The following AFG2A variants were observed in gnomAD, a reference collection of about 807,000 sequenced individuals.
AFG2A encodes AAA ATPase AFG2A.
chr4:123,137,633 T>C, the AFG2A span, among the ~76,000 whole-genome samples: 1 of 152,196 alleles, frequency 6.6e-6, no homozygotes, highest in Non-Finnish European at 1.5e-5. Context: ...TGTATCTTGT[T>C]TGCTGTACAG....
the AFG2A span, among the ~76,000 whole-genome samples, chr4:123,134,791 C>A: frequency 6.6e-6 from 1 of 151,898 alleles, no homozygotes; most frequent in Admixed American, 6.6e-5. Flanking sequence ...AGTGGAAAGC[C>A]CAGAACCACA....
chr4:123,149,958 C>T, the AFG2A span, among the ~76,000 whole-genome samples: 1 of 151,838 alleles, frequency 6.6e-6, no homozygotes, highest in African/African-American at 2.4e-5. Flanking sequence ...AGGCACACGC[C>T]TGTAGTTCAA....
At chr4:122,953,046 C>T in the AFG2A span, among the ~76,000 whole-genome samples, 1 of 152,110 alleles carries the variant, frequency 6.6e-6, no homozygotes, top group Non-Finnish European at 1.5e-5. Context: ...GTAATGCCTC[C>T]TTGGGCTAAC....
At chr4:122,955,056 G>A in the AFG2A span, among the ~76,000 whole-genome samples, 10 of 152,122 alleles carry the variant, frequency 6.6e-5, no homozygotes, top group Non-Finnish European at 1.5e-4. Context: ...CTGAGTCCGT[G>A]TTAACTTCTG....
At chr4:123,295,183 A>G in the AFG2A span, among the ~76,000 whole-genome samples, 1 of 152,224 alleles carries the variant, frequency 6.6e-6, no homozygotes. Context: ...GAGAAAAGGC[A>G]GGTCAGTTCG....
At chr4:123,075,512 C>A in the AFG2A span, among the ~76,000 whole-genome samples, 2 of 151,928 alleles carry the variant, frequency 1.3e-5, no homozygotes, top group Non-Finnish European at 2.9e-5. Flanking sequence ...GTTGGTGAAC[C>A]TGGTCTCAAA....
the AFG2A span, among the ~76,000 whole-genome samples, chr4:123,035,699 C>T: frequency 2.6e-5 from 4 of 151,578 alleles, no homozygotes; most frequent in African/African-American, 9.7e-5. Context: ...TTGAGTTGGG[C>T]TTTTATCAGT....
chr4:123,028,421 T>C, the AFG2A span: 2 of 1,600,350 alleles, frequency 1.2e-6, no homozygotes, highest in Non-Finnish European at 1.7e-6. Flanking sequence ...TTTTAATCGC[T>C]ACTCTCTCTT....
At chr4:122,977,954 G>C in the AFG2A span, among the ~76,000 whole-genome samples, 2 of 152,314 alleles carry the variant, frequency 1.3e-5, no homozygotes, top group Non-Finnish European at 2.9e-5. Context: ...GGAGTGGGTA[G>C]CTCCTTTCTG....
chr4:123,133,653 T>C, the AFG2A span, among the ~76,000 whole-genome samples: 18 of 152,188 alleles, frequency 1.2e-4, no homozygotes, highest in Non-Finnish European at 2.1e-4. Flanking sequence ...TTTTTACTTC[T>C]TTGGGTAACC....
chr4:123,074,466 T>G, the AFG2A span, among the ~76,000 whole-genome samples: 1 of 148,950 alleles, frequency 6.7e-6, no homozygotes, highest in Non-Finnish European at 1.5e-5. Context: ...TTTGTCACTT[T>G]GTGTATTCAT....
the AFG2A span, among the ~76,000 whole-genome samples, chr4:123,267,231 C>T: frequency 2.0e-5 from 3 of 151,978 alleles, no homozygotes; most frequent in African/African-American, 7.2e-5. Flanking sequence ...AGAATTTAAC[C>T]ATGCCTTAGA....
At chr4:122,947,164 G>C in the AFG2A span, 3 of 1,437,920 alleles carry the variant, frequency 2.1e-6, no homozygotes, top group African/African-American at 1.4e-5. Context: ...TATACAGCCA[G>C]TGTGTGCCTC....
the AFG2A span, among the ~76,000 whole-genome samples, chr4:123,178,256 G>A: frequency 3.3e-5 from 5 of 152,118 alleles, no homozygotes; most frequent in East Asian, 1.9e-4. Flanking sequence ...TCCCTTACCC[G>A]TCTCCTTCTC....
chr4:123,095,063 A>ATG, the AFG2A span, among the ~76,000 whole-genome samples: 1 of 126,872 alleles, frequency 7.9e-6, no homozygotes, highest in African/African-American at 3.0e-5. Flanking sequence ...ATATATATAT[A>ATG]TATGTGTGTG....
At chr4:122,949,304 T>G in the AFG2A span, among the ~76,000 whole-genome samples, 3 of 152,196 alleles carry the variant, frequency 2.0e-5, no homozygotes, top group Non-Finnish European at 4.4e-5. Context: ...GGAGTGACAT[T>G]AACTTGCTCC....
At chr4:123,146,515 T>A in the AFG2A span, among the ~76,000 whole-genome samples, 1 of 152,084 alleles carries the variant, frequency 6.6e-6, no homozygotes, top group Non-Finnish European at 1.5e-5. Context: ...TCAGGGAAAG[T>A]ATTTATGAAC....
chr4:123,241,366 C>T, the AFG2A span, among the ~76,000 whole-genome samples: 255 of 152,238 alleles, frequency 1.7e-3, no homozygotes, highest in African/African-American at 5.8e-3. Context: ...TGATGAACAT[C>T]GATGCGAGAA....
chr4:123,318,117 T>C, the AFG2A span: 1 of 152,354 alleles, frequency 6.6e-6, no homozygotes, highest in South Asian at 2.1e-4. Context: ...TCCATGAATT[T>C]ACAATGCAAT....
Sources: gnomAD v4.1 joint callset for allele counts (sites outside exome capture counted in the v4.1 genomes callset) on GRCh38, gnomAD v4.1.1 for gene constraint, MANE v1.5 for transcripts, NCBI Gene and HGNC (gene_info 2026-07-23, HGNC 2026-07-21) for gene names.